The following RP1 variants were observed in gnomAD, a reference collection of about 807,000 sequenced individuals.
RP1 encodes RP1 axonemal microtubule associated, also known as oxygen-regulated protein 1.
A neutral mutation model predicts 14.8 loss-of-function variants in RP1; 16 were observed. The ratio of observed to expected loss-of-function variants is 1.08; its 90% CI spans 0.73 to 1.65. RP1 has a LOEUF of 1.65. Ranked by LOEUF, RP1 falls within the 40% of genes most tolerant of loss-of-function variation. The pLI, the probability that RP1 is intolerant of heterozygous loss-of-function variation, is 0.00. For missense variants in RP1, 2,631 were observed against 2,535.0 expected (o/e 1.04, Z -0.81); for synonymous variants, 876 against 883.6 (o/e 0.99, Z 0.15).
At chr8:54,706,855 C>T (rs1200809340) in intron 15 of RP1, among the ~76,000 whole-genome samples, 3 of 152,082 alleles carry the variant, frequency 2.0e-5, no homozygotes, top group African/African-American at 7.2e-5. Context: ...CTAGATAGGG[C>T]CTCTGAAATG....
intron 12 of RP1, chr8:54,696,515 G>A: frequency 7.2e-6 from 6 of 837,216 alleles, no homozygotes; most frequent in Non-Finnish European, 1.2e-5. Context: ...GGCAAAGAAG[G>A]AGCAGAGGAA....
At chr8:54,840,329 T>C (rs1374618249) in intron 25 of RP1, among the ~76,000 whole-genome samples, 1 of 151,992 alleles carries the variant, frequency 6.6e-6, no homozygotes, top group Non-Finnish European at 1.5e-5. Context: ...CTCGGCTCAC[T>C]GCAACATCTG....
At chr8:54,844,897 A>C (rs949114319) in intron 25 of RP1, among the ~76,000 whole-genome samples, 9 of 152,140 alleles carry the variant, frequency 5.9e-5, no homozygotes, top group African/African-American at 2.2e-4. Flanking sequence ...AAAGGAGATG[A>C]GGAGGCATTC....
chr8:54,869,285 T>A (rs549151816), intron 28 of RP1, among the ~76,000 whole-genome samples: 3 of 152,304 alleles, frequency 2.0e-5, no homozygotes, highest in Admixed American at 2.0e-4. Context: ...AATGTAGGTA[T>A]AAGATACATT....
chr8:54,624,244 A>C (rs1043009297), intron 3 of RP1, among the ~76,000 whole-genome samples: 1 of 151,980 alleles, frequency 6.6e-6, no homozygotes, highest in Non-Finnish European at 1.5e-5. Flanking sequence ...GATCGACGAG[A>C]CCATCCTGGC....
In RP1 at chr8:54,621,139, G is replaced by A; in HGVS notation, c.173G>A (p.Arg58His). The A allele has an allele frequency of 6.2e-7, 1 of 1,614,102 alleles. No individual in the cohort carries two copies. The highest frequency in any genetic ancestry group is 2.2e-5 in the East Asian group (1 of 44,874). Residue 58 changes from arginine to histidine, a missense_variant, in exon 2 of 4, where the codon CGC (arginine) becomes CAC (histidine). Arg to His is a conservative substitution (Grantham distance 29, BLOSUM62 0). Transcript: ENST00000220676. ...GGGGTCAGGGTGGTGGTCAACCCTC[G>A]CTCCTTTAAGTCCTTTGATGCTCTG... ...FGGVRVVVNP[R>H]SFKSFDALLD...
At chr8:54,665,147 C>T (rs922310269) in intron 7 of RP1, among the ~76,000 whole-genome samples, 12 of 152,072 alleles carry the variant, frequency 7.9e-5, no homozygotes, top group African/African-American at 2.9e-4. Context: ...ACCTTTGTGA[C>T]TGTTATTTTG....
In RP1 at chr8:54,628,329, G is replaced by T; in HGVS notation, c.4447G>T (p.Val1483Leu). ...NHDTDIFNTV[V>L]NGGEQATEEL... ...TGACACTGATATCTTTAATACAGTG[G>T]TAAATGGAGGAGAGCAAGCCACTGA... The change falls in exon 4 of 4, where the codon GTA (valine) becomes TTA (leucine). Residue 1483 changes from valine (V) to leucine (L), a missense_variant. Physicochemically the swap from Val to Leu is conservative, Grantham distance 32. Transcript: ENST00000220676. 3 of 1,613,750 alleles carry T rather than the reference G, an allele frequency of 1.9e-6. No individual in the cohort carries two copies. Among genetic ancestry groups the T allele is most frequent in the Non-Finnish European group, 2.5e-6 (3 of 1,179,874 alleles).
At chr8:54,738,951 A>G in exon 19 of RP1, 3 of 1,487,712 alleles carry the variant, frequency 2.0e-6, no homozygotes, top group Non-Finnish European at 2.7e-6. Context: ...AGGTTGAAAT[A>G]AGAAACACTG....
At chr8:54,718,879 G>A (rs1808469514) in intron 15 of RP1, among the ~76,000 whole-genome samples, 1 of 152,162 alleles carries the variant, frequency 6.6e-6, no homozygotes, top group Non-Finnish European at 1.5e-5. Context: ...GGGATCTTTA[G>A]GGCAGTACAG....
intron 1 of RP1, among the ~76,000 whole-genome samples, chr8:54,583,403 A>G (rs1804844104): frequency 6.6e-6 from 1 of 152,158 alleles, no homozygotes; most frequent in South Asian, 2.1e-4. Context: ...TCAGTTTGCC[A>G]GTATTTTATT....
downstream of RP1, among the ~76,000 whole-genome samples, chr8:54,770,323 T>C (rs942526289): frequency 1.3e-5 from 2 of 152,072 alleles, no homozygotes; most frequent in South Asian, 2.1e-4. Flanking sequence ...AGCATTATAG[T>C]TGATTTATAA....
chr8:54,665,664 C>T (rs750769706), intron 7 of RP1, among the ~76,000 whole-genome samples: 3 of 152,130 alleles, frequency 2.0e-5, no homozygotes, highest in Non-Finnish European at 2.9e-5. Context: ...TTTGTTGCTC[C>T]CAAGAGCCTA....
At chr8:54,659,854 T>C (rs897618079) in intron 6 of RP1, among the ~76,000 whole-genome samples, 2 of 152,190 alleles carry the variant, frequency 1.3e-5, no homozygotes, top group African/African-American at 4.8e-5. Flanking sequence ...ACCTACAAAC[T>C]TGGGGTGTCT....
chr8:54,759,900 T>C (rs932681071), intron 22 of RP1, among the ~76,000 whole-genome samples: 1 of 152,134 alleles, frequency 6.6e-6, no homozygotes, highest in African/African-American at 2.4e-5. Flanking sequence ...GAATCTTCAA[T>C]ATCGAGGGCT....
At chr8:54,598,752 A>G (rs112369107) in intron 1 of RP1, among the ~76,000 whole-genome samples, 3 of 152,314 alleles carry the variant, frequency 2.0e-5, no homozygotes, top group Non-Finnish European at 2.9e-5. Context: ...TGTGGTTGAC[A>G]GCTCTTTTAC....
At chr8:54,596,554 A>G (rs1448832061) in intron 1 of RP1, among the ~76,000 whole-genome samples, 3 of 152,166 alleles carry the variant, frequency 2.0e-5, no homozygotes, top group Non-Finnish European at 4.4e-5. Flanking sequence ...ATCTGTTACA[A>G]ATAGGATGGA....
At chr8:54,794,044 G>T (rs1810526789) in intron 24 of RP1, among the ~76,000 whole-genome samples, 2 of 151,754 alleles carry the variant, frequency 1.3e-5, no homozygotes, top group South Asian at 4.2e-4. Context: ...ATAAGTCATT[G>T]TTGAAAGAAA....
At chr8:54,758,617 A>G (rs1809565308) in intron 21 of RP1, among the ~76,000 whole-genome samples, 1 of 152,214 alleles carries the variant, frequency 6.6e-6, no homozygotes, top group African/African-American at 2.4e-5. Context: ...TTCTCAGAGT[A>G]GGGGTCTAAC....
Sources: gnomAD v4.1 joint callset for allele counts (sites outside exome capture counted in the v4.1 genomes callset) on GRCh38, gnomAD v4.1.1 for gene constraint, MANE v1.5 for transcripts, NCBI Gene and HGNC (gene_info 2026-07-23, HGNC 2026-07-21) for gene names.